The following FGGY variants were observed in gnomAD, a reference collection of about 807,000 sequenced individuals.
FGGY encodes FGGY carbohydrate kinase domain containing, also known as FGGY carbohydrate kinase domain-containing protein.
Under a neutral mutation model 71.3 loss-of-function variants are expected in FGGY, and 72 were observed. The ratio of observed to expected loss-of-function variants is 1.01; its 90% CI spans 0.84 to 1.23. The LOEUF is 1.23. FGGY is among the 50% of genes most tolerant of loss of function. The pLI is 0.00. For missense variants in FGGY, 668 were observed against 682.3 expected (o/e 0.98, Z 0.23); for synonymous variants, 251 against 250.3 (o/e 1.00, Z -0.02).
At chr1:59,403,241 T>A (rs1488499161) in intron 5 of FGGY, among the ~76,000 whole-genome samples, 1 of 152,226 alleles carries the variant, frequency 6.6e-6, no homozygotes, top group East Asian at 1.9e-4. Context: ...TCTCTATAAA[T>A]CATACCAGAG....
In FGGY at chr1:59,511,019, A is replaced by G. The variant is rs564572447; in HGVS notation, c.671-1292A>G. ...CCTGAGTTACTCTAGCCATACTTCA[A>G]GTGCTCAGCCCACATGTGACTAGTG... On this transcript the variant is annotated intron_variant, in intron 6 of 15. Coordinates refer to ENST00000303721, the MANE Select transcript of FGGY (RefSeq NM_018291.5). Among the ~76,000 whole-genome samples, 7 of 152,356 alleles carry G rather than the reference A, an allele frequency of 4.6e-5. No homozygotes were observed. The East Asian group carries it at 1.3e-3, about 29-fold the overall frequency.
chr1:59,431,160 C>T (rs1287376273), intron 5 of FGGY, among the ~76,000 whole-genome samples: 1 of 152,166 alleles, frequency 6.6e-6, no homozygotes, highest in African/African-American at 2.4e-5. Flanking sequence ...CTCCTCTTTT[C>T]TCTACCCCCA....
At position 59,547,823 on chromosome 1, in the gene FGGY, G is replaced by A. The variant is rs572887068; in HGVS notation, c.800-6301G>A. Among the ~76,000 whole-genome samples the A allele has an allele frequency of 9.9e-5, 15 of 152,240 alleles. No homozygotes were observed. The East Asian group carries it at 1.9e-3, about 20-fold the overall frequency. ...TATTTAAGACACGGAGCCTTTGTCC[G>A]TGATTAAATGTGCTATTGTTACCTA... On this transcript the variant is annotated intron_variant, in intron 7 of 15. Transcript: ENST00000303721.
intron 5 of FGGY, among the ~76,000 whole-genome samples, chr1:59,445,262 T>C (rs887040895): frequency 6.6e-6 from 1 of 152,170 alleles, no homozygotes; most frequent in Non-Finnish European, 1.5e-5. Context: ...GCCACTTGCT[T>C]GCCTCACTTC....
At chr1:59,664,628 A>G (rs2097307181) in intron 12 of FGGY, among the ~76,000 whole-genome samples, 2 of 152,242 alleles carry the variant, frequency 1.3e-5, no homozygotes, top group African/African-American at 4.8e-5. Flanking sequence ...TAGTCAAATT[A>G]TATATCTCCT....
chr1:59,530,028 A>T (rs2095097374), intron 7 of FGGY, among the ~76,000 whole-genome samples: 1 of 152,248 alleles, frequency 6.6e-6, no homozygotes, highest in African/African-American at 2.4e-5. Flanking sequence ...AGAAGATAAT[A>T]ATAACTTGTT....
chr1:59,577,840 C>T (rs113074630), intron 8 of FGGY, among the ~76,000 whole-genome samples: 4 of 152,144 alleles, frequency 2.6e-5, no homozygotes, highest in South Asian at 2.1e-4. Flanking sequence ...GATGACTCTT[C>T]GTTGCCTGGA....
At chr1:59,320,247 A>G (rs567917117) in intron 1 of FGGY, among the ~76,000 whole-genome samples, 1 of 152,302 alleles carries the variant, frequency 6.6e-6, no homozygotes, top group Admixed American at 6.5e-5. Context: ...TGAAGTTTTT[A>G]TTGTTTTATT....
chr1:59,397,102 G>C (rs1425083540), intron 5 of FGGY, among the ~76,000 whole-genome samples: 1 of 151,148 alleles, frequency 6.6e-6, no homozygotes, highest in Admixed American at 6.6e-5. Flanking sequence ...TTAGACTTAA[G>C]TTTTTTTCTG....
intron 8 of FGGY, among the ~76,000 whole-genome samples, chr1:59,586,563 C>T (rs896332951): frequency 4.6e-5 from 7 of 151,966 alleles, no homozygotes; most frequent in South Asian, 2.1e-4. Flanking sequence ...TGTTAAATGA[C>T]GAGTTAATGG....
chr1:59,743,956 C>T (rs2101475712), intron 14 of FGGY, among the ~76,000 whole-genome samples: 1 of 152,336 alleles, frequency 6.6e-6, no homozygotes, highest in South Asian at 2.1e-4. Flanking sequence ...CAGCATGTCA[C>T]ATGCAGCAGC....
At chr1:59,369,972 A>G (rs11207441) in intron 4 of FGGY, among the ~76,000 whole-genome samples, 30,228 of 152,128 alleles carry the variant, frequency 0.2, 3,443 homozygotes, top group East Asian at 0.35. Flanking sequence ...GAAAAAACAG[A>G]GCAGAAAAAC....
Position 59,585,675 on chromosome 1 carries a change from C to A in FGGY, c.904-22128C>A, listed in dbSNP as rs540488944. On this transcript the variant is annotated intron_variant, in intron 8 of 15. Transcript: ENST00000303721. ...AAAAGCCAAAATTGACAAATGGGATCTCATTAAACTAAAGAGCTTCTGCAC... is the reference window on the plus strand; with the variant it reads ...AAAAGCCAAAATTGACAAATGGGATATCATTAAACTAAAGAGCTTCTGCAC... 1.4e-3 allele frequency among the ~76,000 whole-genome samples: 217 copies of A among 152,280 alleles called. 3 individuals carry two copies. The highest frequency in any genetic ancestry group is 4.9e-3 in the African/African-American group (203 of 41,570).
At chr1:59,375,036 G>C (rs1376461019) in intron 4 of FGGY, among the ~76,000 whole-genome samples, 1 of 150,850 alleles carries the variant, frequency 6.6e-6, no homozygotes, top group African/African-American at 2.4e-5. Flanking sequence ...TGCACATTGT[G>C]CACATGTACC....
At chr1:59,455,572 T>G (rs2091603945) in intron 5 of FGGY, among the ~76,000 whole-genome samples, 1 of 152,200 alleles carries the variant, frequency 6.6e-6, no homozygotes. Flanking sequence ...GCGTAGCAAT[T>G]GAAGGATCTT....
intron 9 of FGGY, among the ~76,000 whole-genome samples, chr1:59,618,861 G>A (rs1344569987): frequency 1.3e-5 from 2 of 152,102 alleles, no homozygotes; most frequent in Non-Finnish European, 2.9e-5. Flanking sequence ...CACGATCTAT[G>A]TACAGATGTA....
chr1:59,311,529 G>A (rs921821433), intron 1 of FGGY, among the ~76,000 whole-genome samples: 2 of 152,094 alleles, frequency 1.3e-5, no homozygotes, highest in African/African-American at 4.8e-5. Flanking sequence ...TGCTGAGGTT[G>A]TTGGCTTCCA....
At chr1:59,599,178 A>G (rs2096552311) in intron 8 of FGGY, among the ~76,000 whole-genome samples, 1 of 152,058 alleles carries the variant, frequency 6.6e-6, no homozygotes, top group African/African-American at 2.4e-5. Flanking sequence ...ATCTTGGCTT[A>G]CTGTAACCTC....
At chr1:59,665,419 A>G (rs1477967577) in intron 12 of FGGY, among the ~76,000 whole-genome samples, 2 of 152,142 alleles carry the variant, frequency 1.3e-5, no homozygotes, top group Non-Finnish European at 2.9e-5. Flanking sequence ...CAAACCCTCA[A>G]GACCTCTGGG....
Sources: allele counts gnomAD v4.1 joint callset (sites outside exome capture counted in the v4.1 genomes callset), GRCh38; gene constraint gnomAD v4.1.1; transcripts MANE v1.5; gene names NCBI Gene and HGNC (gene_info 2026-07-23, HGNC 2026-07-21).